PDE4D: variants seen among roughly 807,000 people sequenced by gnomAD.
PDE4D encodes phosphodiesterase 4D.
In PDE4D, 24 loss-of-function variants were observed where a neutral mutation model predicts 87.4. The observed-to-expected ratio is 0.27, with a 90% CI of 0.20 to 0.39. PDE4D has a LOEUF of 0.39. Ranked by LOEUF, PDE4D falls within the 10% of genes least tolerant of loss-of-function variation. PDE4D has a pLI of 1.00. For missense variants in PDE4D, 714 were observed against 1,041.0 expected, an observed-to-expected ratio of 0.69 and a Z score of 4.32; for synonymous variants, 384 against 383.2, an observed-to-expected ratio of 1.00 and a Z score of -0.02.
intron 2 of PDE4D, among the ~76,000 whole-genome samples, chr5:60,180,248 A>G (rs1400026843): frequency 3.3e-5 from 5 of 152,192 alleles, no homozygotes; most frequent in Non-Finnish European, 7.4e-5. Context: ...CTTTCCTGTC[A>G]TTCTCACATT....
At chr5:59,382,474 T>A (rs1786078661) in intron 1 of PDE4D, among the ~76,000 whole-genome samples, 1 of 152,194 alleles carries the variant, frequency 6.6e-6, no homozygotes, top group Non-Finnish European at 1.5e-5. Flanking sequence ...CTAGTAAATT[T>A]GGCAAAATTG....
chr5:59,775,900 T>C (rs1764029099), intron 1 of PDE4D, among the ~76,000 whole-genome samples: 1 of 152,160 alleles, frequency 6.6e-6, no homozygotes, highest in Non-Finnish European at 1.5e-5. Flanking sequence ...TTTCTCAAAT[T>C]AGTATAATAT....
chr5:60,145,159 T>C (rs1780880791), intron 2 of PDE4D, among the ~76,000 whole-genome samples: 1 of 152,236 alleles, frequency 6.6e-6, no homozygotes, highest in African/African-American at 2.4e-5. Context: ...ATAAGCTTGA[T>C]TTATGCAAGT....
chr5:59,736,888 A>G (rs927837087), intron 1 of PDE4D, among the ~76,000 whole-genome samples: 5 of 152,154 alleles, frequency 3.3e-5, no homozygotes, highest in African/African-American at 1.2e-4. Context: ...CGGTTTTAAA[A>G]TTTTCTTCTT....
intron 4 of PDE4D, among the ~76,000 whole-genome samples, chr5:59,184,332 C>T (rs79661224): frequency 0.038 from 5,713 of 152,064 alleles, 133 homozygotes; most frequent in Non-Finnish European, 0.058. Context: ...TAATGAAAAA[C>T]GTGAATCTGG....
At chr5:60,022,706 C>T (rs528213380) in intron 2 of PDE4D, 2 of 152,332 alleles carry the variant, frequency 1.3e-5, no homozygotes, top group South Asian at 2.1e-4. Flanking sequence ...ATGCTGACCC[C>T]TCATTGTTAT....
At chr5:59,853,429 A>G (rs1482281574) in intron 1 of PDE4D, among the ~76,000 whole-genome samples, 1 of 152,122 alleles carries the variant, frequency 6.6e-6, no homozygotes, top group Non-Finnish European at 1.5e-5. Context: ...AAATTTTGAA[A>G]TAAAAAAGTG....
chr5:60,059,040 A>ATGTGTG (rs70975363), intron 2 of PDE4D, among the ~76,000 whole-genome samples: 10,868 of 142,332 alleles, frequency 0.076, 430 homozygotes, highest in South Asian at 0.15. Flanking sequence ...GCATTGTCAT[A>ATGTGTG]TGTGTGTGTG....
At chr5:59,133,704 T>C (rs1028438089) in intron 5 of PDE4D, among the ~76,000 whole-genome samples, 1 of 152,174 alleles carries the variant, frequency 6.6e-6, no homozygotes, top group African/African-American at 2.4e-5. Context: ...GCAGCGGTTA[T>C]CACTGCAATT....
chr5:59,151,564 C>G lies in PDE4D; in HGVS notation c.808+29031G>C, dbSNP rs1437166413. Among the ~76,000 whole-genome samples the G allele has an allele frequency of 3.3e-5, 5 of 152,144 alleles. No individual in the cohort carries two copies. The South Asian group carries it at 8.3e-4, about 25-fold the overall frequency. ...CATCAACAATAACCTAATTTGTGAG[C>G]TCTCTGGCAGGAATGAAATTCCTCT... On this transcript the variant is annotated intron_variant, in intron 5 of 14. Transcript: ENST00000340635.
intron 5 of PDE4D, among the ~76,000 whole-genome samples, chr5:59,054,013 C>A (rs571484019): frequency 3.3e-5 from 5 of 152,210 alleles, no homozygotes; most frequent in Non-Finnish European, 5.9e-5. Flanking sequence ...ATAATTTATT[C>A]AATGAATAAA....
chr5:59,173,274 C>T (rs186179580), intron 5 of PDE4D, among the ~76,000 whole-genome samples: 66 of 152,232 alleles, frequency 4.3e-4, no homozygotes, highest in African/African-American at 1.4e-3. Flanking sequence ...TCAATCAATT[C>T]CTGGTCAAAA....
At chr5:59,889,991 A>G (rs1750719614) in intron 1 of PDE4D, among the ~76,000 whole-genome samples, 1 of 152,160 alleles carries the variant, frequency 6.6e-6, no homozygotes, top group Non-Finnish European at 1.5e-5. Flanking sequence ...TTGTCTCCTT[A>G]CTGCTTATAT....
At chr5:59,214,689 T>C (rs1299416002) in intron 2 of PDE4D, among the ~76,000 whole-genome samples, 1 of 152,118 alleles carries the variant, frequency 6.6e-6, no homozygotes, top group Non-Finnish European at 1.5e-5. Context: ...GAGATAAAAA[T>C]AATGTAAAAA....
intron 1 of PDE4D, among the ~76,000 whole-genome samples, chr5:60,282,553 G>A (rs1199222768): frequency 6.6e-6 from 1 of 152,048 alleles, no homozygotes; most frequent in Non-Finnish European, 1.5e-5. Context: ...AATAAAATTT[G>A]TTATTACTAT....
intron 1 of PDE4D, among the ~76,000 whole-genome samples, chr5:59,523,751 T>A (rs1812621633): frequency 6.6e-6 from 1 of 152,208 alleles, no homozygotes; most frequent in African/African-American, 2.4e-5. Flanking sequence ...CAAATTGTAA[T>A]CCCCACGTTT....
intron 1 of PDE4D, among the ~76,000 whole-genome samples, chr5:59,755,862 A>G (rs945216571): frequency 1.7e-4 from 26 of 151,510 alleles, no homozygotes; most frequent in African/African-American, 5.6e-4. Context: ...TATGAAAAAA[A>G]AAAACCAAAA....
At chr5:59,326,055 G>A (rs1028706208) in intron 1 of PDE4D, among the ~76,000 whole-genome samples, 7 of 152,008 alleles carry the variant, frequency 4.6e-5, no homozygotes, top group Non-Finnish European at 1.0e-4. Context: ...CTCATAGGTG[G>A]GAATTGAACA....
At chr5:59,347,821 A>G (rs1779855356) in intron 1 of PDE4D, among the ~76,000 whole-genome samples, 1 of 152,162 alleles carries the variant, frequency 6.6e-6, no homozygotes, top group Non-Finnish European at 1.5e-5. Flanking sequence ...AATGAGGTCA[A>G]TATTTATATG....
Sources: allele counts gnomAD v4.1 joint callset (sites outside exome capture counted in the v4.1 genomes callset), GRCh38; gene constraint gnomAD v4.1.1; transcripts MANE v1.5; gene names NCBI Gene and HGNC (gene_info 2026-07-23, HGNC 2026-07-21).